The following GDPD4 variants were observed in gnomAD, a reference collection of about 807,000 sequenced individuals.
GDPD4 encodes the protein glycerophosphodiester phosphodiesterase 6.
A neutral mutation model predicts 67.8 loss-of-function variants in GDPD4; 60 were observed. The ratio of observed to expected loss-of-function variants is 0.88; its 90% CI spans 0.72 to 1.10. The LOEUF is 1.10. Among genes scored for constraint, GDPD4 ranks in the 50% least tolerant of loss-of-function variants. The pLI is 0.00. For missense variants in GDPD4, 623 were observed against 613.9 expected (o/e 1.01, Z -0.16); for synonymous variants, 212 against 210.9 (o/e 1.00, Z -0.04).
rs566572830 is a variant in GDPD4 at position 77,256,956 on chromosome 11, C to G, written c.864+1430G>C. Among the ~76,000 whole-genome samples the G allele has an allele frequency of 6.6e-5, 10 of 152,304 alleles. No homozygotes were observed. The East Asian group carries it at 1.3e-3, about 21-fold the overall frequency. ...TATAGCAAAACAAAATGGACAAACA[C>G]AGTAGGTAAGTCCATCTGTACATAA... On this transcript the variant is annotated intron_variant, in intron 11 of 16. Transcript: ENST00000315938.
chr11:77,234,255 T>G (rs977092156), intron 13 of GDPD4, among the ~76,000 whole-genome samples: 6 of 152,016 alleles, frequency 3.9e-5, no homozygotes, highest in Non-Finnish European at 8.8e-5. Context: ...AACCAATCCC[T>G]GCAGATAAAG....
chr11:77,277,391 CTTTTTTTTTTTTT>C (rs71043564), intron 4 of GDPD4, among the ~76,000 whole-genome samples: 2 of 58,346 alleles, frequency 3.4e-5, no homozygotes, highest in Admixed American at 3.0e-4. Context: ...GCCATGTTTC[CTTTTTTTTTTTTT>C]TTTTTTTTTT....
At position 77,229,159 on chromosome 11, in the gene GDPD4, C is replaced by A. The variant is rs1169574967; in HGVS notation, c.1463G>T (p.Cys488Phe). The A allele has an allele frequency of 2.5e-6, 4 of 1,577,878 alleles. No homozygotes were observed. In the African/African-American group the frequency reaches 5.4e-5, roughly 21 times the overall value. ...ISVLFIVAIFCFHWRRETEKE... is the reference protein window; with the variant it reads ...ISVLFIVAIFFFHWRRETEKE... ...TTATATATATACTTACCAGTGAAAA[C>A]AAAATATGGCAACAATAAAAAGCAC... The change falls in exon 15 of 17, where the codon TGT (cysteine) becomes TTT (phenylalanine). Residue 488 changes from cysteine to phenylalanine, a missense_variant. Coordinates refer to ENST00000315938, the MANE Select transcript of GDPD4 (RefSeq NM_182833.3).
intron 16 of GDPD4, 43 bp from the exon 17 acceptor site, chr11:77,217,357 C>T (rs1230859061): frequency 6.9e-7 from 1 of 1,452,336 alleles, no homozygotes; most frequent in Non-Finnish European, 9.7e-7. Context: ...TGTCACTTCT[C>T]CACTCTCTGT....
chr11:77,294,222 G>A (rs577192557), intron 1 of GDPD4, among the ~76,000 whole-genome samples: 21 of 152,138 alleles, frequency 1.4e-4, no homozygotes, highest in Non-Finnish European at 2.9e-4. Flanking sequence ...TAGTTTTAAC[G>A]AATGAACCAC....
intron 16 of GDPD4, among the ~76,000 whole-genome samples, chr11:77,221,808 ATCTG>A (rs1317074813): frequency 9.2e-5 from 14 of 151,788 alleles, no homozygotes; most frequent in Admixed American, 2.6e-4. Context: ...TGTCTCGTTG[ATCTG>A]TCTAATATTG....
At position 77,217,249 on chromosome 11, in the gene GDPD4, T is replaced by G; in HGVS notation, c.*28A>C. On this transcript the variant is annotated 3_prime_UTR_variant, in exon 17 of 17. Coordinates refer to ENST00000315938, the MANE Select transcript of GDPD4 (RefSeq NM_182833.3). ...GACCTTCCACAACTCGGACAGGAGG[T>G]TTCATGGCTATGTGCAAATCTATCT... 3.2e-6 allele frequency: 5 copies of G among 1,567,222 alleles called. No homozygotes were observed. Among genetic ancestry groups the G allele is most frequent in the Non-Finnish European group, 4.4e-6 (5 of 1,137,524 alleles).
At chr11:77,225,552 C>T (rs191732877) in intron 16 of GDPD4, among the ~76,000 whole-genome samples, 2 of 152,184 alleles carry the variant, frequency 1.3e-5, no homozygotes, top group African/African-American at 4.8e-5. Context: ...AATCAAACTA[C>T]TAAAAACCAA....
At chr11:77,263,829 T>C (rs1773588392) in intron 10 of GDPD4, among the ~76,000 whole-genome samples, 1 of 152,178 alleles carries the variant, frequency 6.6e-6, no homozygotes, top group Admixed American at 6.5e-5. Flanking sequence ...ATCACACACA[T>C]ACTTGTTATG....
intron 1 of GDPD4, among the ~76,000 whole-genome samples, chr11:77,292,169 A>G (rs997601109): frequency 6.6e-6 from 1 of 152,086 alleles, no homozygotes; most frequent in Non-Finnish European, 1.5e-5. Context: ...TGACCTTCCA[A>G]TGAGAAACAG....
intron 13 of GDPD4, among the ~76,000 whole-genome samples, chr11:77,233,704 C>T (rs1271067842): frequency 6.6e-6 from 1 of 152,140 alleles, no homozygotes; most frequent in Non-Finnish European, 1.5e-5. Context: ...GCTCATTTAT[C>T]AGTTCTTTAC....
chr11:77,257,737 C>T (rs1959032805), intron 11 of GDPD4, among the ~76,000 whole-genome samples: 1 of 152,136 alleles, frequency 6.6e-6, no homozygotes, highest in Non-Finnish European at 1.5e-5. Context: ...ATACTTGCCT[C>T]AAAATTACAC....
At chr11:77,230,809 G>T (rs1958440070) in intron 14 of GDPD4, among the ~76,000 whole-genome samples, 1 of 152,170 alleles carries the variant, frequency 6.6e-6, no homozygotes, top group Non-Finnish European at 1.5e-5. Context: ...GGTGAAGTCT[G>T]TTTCTCTCCC....
In GDPD4 at chr11:77,243,740, T is replaced by C. The variant is rs767202060; in HGVS notation, c.1195A>G (p.Ser399Gly). 2 of 1,598,162 alleles carry C rather than the reference T, an allele frequency of 1.3e-6. No individual in the cohort carries two copies. The highest frequency in any genetic ancestry group is 2.2e-5 in the South Asian group (2 of 89,912). ...TTCTTGTAGTCAACATTTATTATAC[T>C]GATATTGTTTTTAGCAAGGGTTTCA... is the stretch of plus-strand genomic sequence containing the variant. ...SIETLAKNNI[S>G]IINVDYKKLF... The change falls in exon 13 of 17, where the codon AGT becomes GGT. Residue 399 changes from serine to glycine, a missense_variant. By Grantham distance (56) the Ser-to-Gly change is moderately conservative. Coordinates refer to ENST00000315938, the MANE Select transcript of GDPD4 (RefSeq NM_182833.3).
chr11:77,227,405 C>T (rs971773894), intron 16 of GDPD4, among the ~76,000 whole-genome samples: 2 of 152,214 alleles, frequency 1.3e-5, no homozygotes, highest in Non-Finnish European at 2.9e-5. Context: ...ATGGGCATGG[C>T]AGCTACTCTG....
At chr11:77,292,066 T>C (rs1378970960) in intron 1 of GDPD4, among the ~76,000 whole-genome samples, 1 of 151,994 alleles carries the variant, frequency 6.6e-6, no homozygotes, top group Non-Finnish European at 1.5e-5. Flanking sequence ...ACTTGATGTG[T>C]TTTTGGTATC....
intron 13 of GDPD4, among the ~76,000 whole-genome samples, chr11:77,236,101 A>T (rs1958562086): frequency 6.6e-6 from 1 of 152,234 alleles, no homozygotes; most frequent in African/African-American, 2.4e-5. Context: ...TAGAAAAAAA[A>T]TAGCATGATG....
At chr11:77,219,256 A>C (rs1022798275) in intron 16 of GDPD4, among the ~76,000 whole-genome samples, 4 of 152,222 alleles carry the variant, frequency 2.6e-5, no homozygotes, top group East Asian at 3.9e-4. Flanking sequence ...AAATTTGTTT[A>C]AGTTCTTTGT....
chr11:77,272,577 A>T (rs1366293484), intron 5 of GDPD4, among the ~76,000 whole-genome samples: 1 of 152,128 alleles, frequency 6.6e-6, no homozygotes, highest in African/African-American at 2.4e-5. Context: ...GGAGTTCGAG[A>T]TAAGCCTGGC....
Sources: gnomAD v4.1 joint callset for allele counts (sites outside exome capture counted in the v4.1 genomes callset) on GRCh38, gnomAD v4.1.1 for gene constraint, MANE v1.5 for transcripts, NCBI Gene and HGNC (gene_info 2026-07-23, HGNC 2026-07-21) for gene names.